Variants in FAM3B observed in about 807,000 individuals in gnomAD.
FAM3B encodes protein FAM3B.
In FAM3B, 29 loss-of-function variants were observed where a neutral mutation model predicts 28.4. The observed-to-expected ratio is 1.02, with a 90% CI of 0.76 to 1.39. The LOEUF (loss-of-function observed/expected upper bound fraction) is 1.39. FAM3B is among the 40% of genes most tolerant of loss of function. FAM3B has a pLI of 0.00. For missense variants in FAM3B, 266 were observed against 293.9 expected (o/e 0.91, Z 0.69); for synonymous variants, 91 against 103.0 (o/e 0.88, Z 0.71).
At chr21:41,322,081 G>T (rs1041860601) in intron 1 of FAM3B, among the ~76,000 whole-genome samples, 3 of 152,038 alleles carry the variant, frequency 2.0e-5, no homozygotes, top group African/African-American at 7.2e-5. Flanking sequence ...TCCCTGCATC[G>T]TAGCAATCTG....
chr21:41,352,796 AAAAT>A lies in FAM3B; in HGVS notation c.618+4100_618+4103del, dbSNP rs1555873398. On this transcript the variant is annotated intron_variant, in intron 7 of 7. Coordinates refer to ENST00000357985, the MANE Select transcript of FAM3B (RefSeq NM_058186.4). ...GCAACATTAGCGAAACTCCATCTCA[AAAAT>A]AAATAAATAAATAAATAAATAAATA... Among the ~76,000 whole-genome samples, 62 of 27,608 alleles carry A rather than the reference AAAAT, an allele frequency of 2.2e-3. No individual in the cohort carries two copies. The South Asian group carries it at 0.034, about 15-fold the overall frequency. 18.1% of individuals were successfully genotyped at this position (27,608 alleles called of 152,430 possible). A position where few individuals can be genotyped will look rare whatever the true frequency, so the allele number is the denominator to read the frequency against.
intron 2 of FAM3B, among the ~76,000 whole-genome samples, chr21:41,329,573 C>CT (rs1166660173): frequency 0.043 from 6,227 of 143,502 alleles, 156 homozygotes; most frequent in South Asian, 0.094. Flanking sequence ...TTTCTTTTTC[C>CT]TTTTTTTTTT....
At chr21:41,322,816 C>G (rs1472872819) in intron 1 of FAM3B, 107 bp from the exon 2 acceptor site, 3 of 1,565,876 alleles carry the variant, frequency 1.9e-6, no homozygotes, top group Non-Finnish European at 2.6e-6. Context: ...ATAGCGCAGT[C>G]CCCTGACACT....
intron 1 of FAM3B, 126 bp from the exon 2 acceptor site, chr21:41,322,797 A>C: frequency 1.4e-6 from 2 of 1,434,582 alleles, no homozygotes; most frequent in Non-Finnish European, 1.9e-6. Context: ...TCCCAGGAGC[A>C]CAGTGCCTAT....
intron 7 of FAM3B, among the ~76,000 whole-genome samples, chr21:41,350,289 T>G (rs1027715351): frequency 4.6e-5 from 7 of 152,158 alleles, no homozygotes; most frequent in African/African-American, 1.7e-4. Context: ...TCCCCATCTC[T>G]CCGATCCCTT....
At chr21:41,314,245 A>G (rs1601345500), upstream of FAM3B, among the ~76,000 whole-genome samples, 1 of 152,356 alleles carries the variant, frequency 6.6e-6, no homozygotes, top group Middle Eastern at 3.4e-3. Flanking sequence ...AGCCAGGGAA[A>G]GACACTCACC....
At position 41,326,022 on chromosome 21, in the gene FAM3B, CTT is replaced by C. The variant is rs1181808832; in HGVS notation, c.163+2958_163+2959del. On this transcript the variant is annotated intron_variant, in intron 2 of 7. Transcript: ENST00000357985. This position sits in a 1 kb window ranked among gnomAD's most constrained non-coding sequence, Gnocchi z 4.0. ...TAGGGAATGGTGTTGCTGCTGGAGG[CTT>C]TCAGTCTTAAACAAACCAGCTTTTC... 6.6e-6 allele frequency among the ~76,000 whole-genome samples: 1 copy of C among 152,218 alleles called. No individual in the cohort carries two copies. The highest frequency in any genetic ancestry group is 6.5e-5 in the Admixed American group (1 of 15,284).
chr21:41,356,287 T>C (rs1264425874), intron 7 of FAM3B, among the ~76,000 whole-genome samples: 4 of 152,226 alleles, frequency 2.6e-5, no homozygotes, highest in Admixed American at 1.3e-4. Flanking sequence ...TTTGAAAATA[T>C]TGTAAATTGA....
chr21:41,311,442 G>A (rs1233289653), intron 1 of FAM3B, among the ~76,000 whole-genome samples: 1 of 148,756 alleles, frequency 6.7e-6, no homozygotes, highest in Non-Finnish European at 1.5e-5. Context: ...CATCCTGGGT[G>A]ACAGAGTGAG....
In FAM3B at chr21:41,306,815, T is replaced by A. The variant is rs11909506; in HGVS notation, n.99+2505T>A. Among the ~76,000 whole-genome samples, 129 of 152,112 alleles carry A rather than the reference T, an allele frequency of 8.5e-4. 1 individual carries two copies. The highest frequency in any genetic ancestry group is 2.7e-3 in the Admixed American group (42 of 15,300). On this transcript the variant is annotated intron_variant and non_coding_transcript_variant, in intron 1 of 9. Coordinates refer to the FAM3B transcript ENST00000479810. Reference sequence around the variant, plus strand: ...TTGTGTTACCTGGATGTTATATTGCTTAGTGGGGAAGTCTGGGATTTTAGT... The same window carrying A: ...TTGTGTTACCTGGATGTTATATTGCATAGTGGGGAAGTCTGGGATTTTAGT...
Position 41,322,807 on chromosome 21 carries a change from T to C in FAM3B, c.20-116T>C, listed in dbSNP as rs753407756. 6.1e-5 allele frequency: 92 copies of C among 1,515,532 alleles called. No homozygotes were observed. In the Admixed American group the frequency reaches 1.4e-3, roughly 24 times the overall value. 93.9% of individuals were successfully genotyped at this position (1,515,532 alleles called of 1,614,324 possible). A position where few individuals can be genotyped will look rare whatever the true frequency, so the allele number is the denominator to read the frequency against. On this transcript the variant is annotated intron_variant, in intron 1 of 7. Transcript: ENST00000357985. ...CCTCCTCCCAGGAGCACAGTGCCTA[T>C]AGCGCAGTCCCCTGACACTGGGCCG...
At chr21:41,341,837 A>C (rs771298855) in intron 3 of FAM3B, among the ~76,000 whole-genome samples, 1 of 152,236 alleles carries the variant, frequency 6.6e-6, no homozygotes, top group Non-Finnish European at 1.5e-5. Context: ...TTTTTGAAGA[A>C]GGATTCTCAC....
chr21:41,334,972 A>G (rs966859399), intron 2 of FAM3B, among the ~76,000 whole-genome samples: 1 of 152,166 alleles, frequency 6.6e-6, no homozygotes, highest in Non-Finnish European at 1.5e-5. Context: ...ATTGTTTTGG[A>G]GCTTTTAAGA....
chr21:41,323,508 T>C (rs1030248683), intron 2 of FAM3B, among the ~76,000 whole-genome samples: 3 of 152,208 alleles, frequency 2.0e-5, no homozygotes, highest in Non-Finnish European at 4.4e-5. Flanking sequence ...TGTATGTCGG[T>C]GAACACACGG....
At chr21:41,324,588 C>T (rs542261382) in intron 2 of FAM3B, among the ~76,000 whole-genome samples, 57 of 152,258 alleles carry the variant, frequency 3.7e-4, no homozygotes, top group African/African-American at 1.2e-3. Context: ...GAATTATCGC[C>T]GAAGGAAATG....
chr21:41,305,820 G>A (rs1248143355), intron 1 of FAM3B, among the ~76,000 whole-genome samples: 2 of 152,188 alleles, frequency 1.3e-5, no homozygotes, highest in African/African-American at 2.4e-5. Flanking sequence ...TCAGGACGGT[G>A]GTTGCTGAAG....
At chr21:41,324,792 C>T (rs1335726144) in intron 2 of FAM3B, among the ~76,000 whole-genome samples, 1 of 152,084 alleles carries the variant, frequency 6.6e-6, no homozygotes, top group African/African-American at 2.4e-5. Context: ...TAATGTGCAG[C>T]GTATGTTGAA....
upstream of FAM3B, among the ~76,000 whole-genome samples, chr21:41,313,469 A>G (rs2088727173): frequency 6.6e-6 from 1 of 151,020 alleles, no homozygotes; most frequent in South Asian, 2.1e-4. Flanking sequence ...GTATGTATGC[A>G]TGTCGCATTT....
intron 3 of FAM3B, among the ~76,000 whole-genome samples, chr21:41,340,152 C>CTT (rs954999865): frequency 1.4e-4 from 18 of 127,140 alleles, no homozygotes; most frequent in African/African-American, 2.3e-4. Flanking sequence ...CTGAAGTTGT[C>CTT]TTTTTTTTTT....
Sources: gnomAD v4.1 joint callset for allele counts (sites outside exome capture counted in the v4.1 genomes callset) on GRCh38, gnomAD v4.1.1 for gene constraint, Gnocchi (gnomAD v3.1) non-coding constraint, MANE v1.5 for transcripts, NCBI Gene and HGNC (gene_info 2026-07-23, HGNC 2026-07-21) for gene names.